CTNNA3: variants seen among roughly 807,000 people sequenced by gnomAD.
The protein encoded by CTNNA3 is catenin alpha 3.
Under a neutral mutation model 95.7 loss-of-function variants are expected in CTNNA3, and 76 were observed. The ratio of observed to expected loss-of-function variants is 0.79; its 90% confidence interval spans 0.66 to 0.96. The LOEUF is 0.96. Ranked by LOEUF, CTNNA3 falls within the 40% of genes least tolerant of loss-of-function variation. The pLI, the probability that CTNNA3 is intolerant of heterozygous loss-of-function variation, is 0.00. For synonymous variants in CTNNA3, 431 were observed against 374.4 expected, an observed-to-expected ratio of 1.15 and a Z score of -1.74; for missense variants, 1,191 against 1,089.8, an observed-to-expected ratio of 1.09 and a Z score of -1.31.
chr10:67,587,912 A>T (rs1017076491), intron 3 of CTNNA3, among the ~76,000 whole-genome samples: 1 of 151,652 alleles, frequency 6.6e-6, no homozygotes, highest in African/African-American at 2.4e-5. Flanking sequence ...CATATTTTTT[A>T]TATATTTTTG....
At chr10:66,712,926 T>A (rs751232772) in intron 9 of CTNNA3, among the ~76,000 whole-genome samples, 26 of 152,268 alleles carry the variant, frequency 1.7e-4, no homozygotes, top group Non-Finnish European at 2.9e-4. Flanking sequence ...TTATTTCCTA[T>A]GTCTTTACTT....
chr10:66,508,211 T>G (rs1474515008), intron 11 of CTNNA3, among the ~76,000 whole-genome samples: 4 of 91,158 alleles, frequency 4.4e-5, no homozygotes, highest in Admixed American at 2.0e-4. Flanking sequence ...TTGTTTTCTG[T>G]TTTTTTTTTT....
chr10:67,097,047 A>C lies in CTNNA3; in HGVS notation c.1047+83270T>G, dbSNP rs116855119. On this transcript the variant is annotated intron_variant, in intron 7 of 17. Coordinates refer to ENST00000433211, the MANE Select transcript of CTNNA3 (RefSeq NM_013266.4). ...GTGGTGTGTGGATTAATAGTCCAGCATCATATAGGAACTTGTAAGACATGT... is the reference window on the plus strand; with the variant it reads ...GTGGTGTGTGGATTAATAGTCCAGCCTCATATAGGAACTTGTAAGACATGT... Among the ~76,000 whole-genome samples, 203 of 152,010 alleles carry C rather than the reference A, an allele frequency of 1.3e-3. 3 individuals are homozygous for C. The East Asian group carries it at 0.037, about 28-fold the overall frequency.
intron 7 of CTNNA3, among the ~76,000 whole-genome samples, chr10:67,063,364 G>A (rs907529195): frequency 3.3e-5 from 5 of 152,300 alleles, no homozygotes; most frequent in African/African-American, 1.2e-4. Flanking sequence ...ACTAGATAAA[G>A]CTGAATGTGA....
chr10:66,609,364 A>C (rs1268488346), intron 10 of CTNNA3, among the ~76,000 whole-genome samples: 1 of 148,194 alleles, frequency 6.7e-6, no homozygotes, highest in Non-Finnish European at 1.5e-5. Flanking sequence ...CACCCAGCCA[A>C]AGGTCTATTA....
intron 7 of CTNNA3, among the ~76,000 whole-genome samples, chr10:66,865,199 G>GGTGTGT (rs566237511): frequency 6.5e-5 from 9 of 138,256 alleles, no homozygotes; most frequent in African/African-American, 2.4e-4. Flanking sequence ...ACAGGCATGG[G>GGTGTGT]GTGTGTGTGT....
At chr10:67,302,017 A>T (rs1418814311) in intron 5 of CTNNA3, among the ~76,000 whole-genome samples, 1 of 18,588 alleles carries the variant, frequency 5.4e-5, no homozygotes, top group Admixed American at 7.2e-4. Context: ...GAAAGAAAGA[A>T]AGAAAGAAAG....
chr10:66,159,323 G>A (rs7079826), intron 13 of CTNNA3, among the ~76,000 whole-genome samples: 21,132 of 151,870 alleles, frequency 0.14, 2,365 homozygotes, highest in African/African-American at 0.31. Flanking sequence ...TTACATTAAG[G>A]TATGACCCTT....
chr10:66,934,301 A>G (rs1382295576), intron 7 of CTNNA3, among the ~76,000 whole-genome samples: 8 of 152,100 alleles, frequency 5.3e-5, no homozygotes, highest in African/African-American at 1.2e-4. Flanking sequence ...ACTTCTCCCA[A>G]TCAGGATTCT....
chr10:66,203,517 A>T (rs12259429), intron 13 of CTNNA3, among the ~76,000 whole-genome samples: 6 of 151,942 alleles, frequency 3.9e-5, no homozygotes, highest in Admixed American at 1.3e-4. Context: ...AATATTATAG[A>T]GTAATCTTAG....
intron 3 of CTNNA3, among the ~76,000 whole-genome samples, chr10:67,568,116 T>C (rs978711976): frequency 3.9e-5 from 6 of 152,050 alleles, no homozygotes; most frequent in African/African-American, 7.2e-5. Flanking sequence ...GGTTAAAAAA[T>C]GTTCACATAC....
intron 13 of CTNNA3, among the ~76,000 whole-genome samples, chr10:66,250,763 T>C (rs2090517909): frequency 6.6e-6 from 1 of 152,210 alleles, no homozygotes; most frequent in Non-Finnish European, 1.5e-5. Context: ...CAAATGCTTC[T>C]GGAATTAATT....
intron 15 of CTNNA3, among the ~76,000 whole-genome samples, chr10:66,068,741 T>C (rs1040822401): frequency 3.9e-5 from 6 of 152,226 alleles, no homozygotes; most frequent in East Asian, 1.9e-4. Flanking sequence ...AGCCACTATA[T>C]ATTTTATTGC....
intron 5 of CTNNA3, among the ~76,000 whole-genome samples, chr10:67,495,217 T>C (rs1167964917): frequency 1.3e-5 from 2 of 152,128 alleles, no homozygotes; most frequent in Non-Finnish European, 2.9e-5. Flanking sequence ...CAATGTTTCC[T>C]GACTGAGGCC....
chr10:66,416,846 A>G (rs7098029), intron 11 of CTNNA3, among the ~76,000 whole-genome samples: 58,008 of 151,752 alleles, frequency 0.38, 11,647 homozygotes, highest in African/African-American at 0.5. Flanking sequence ...ACATTTATCT[A>G]CATGAAAACA....
intron 12 of CTNNA3, among the ~76,000 whole-genome samples, chr10:66,296,748 T>C (rs1033427163): frequency 6.6e-6 from 1 of 152,094 alleles, no homozygotes; most frequent in African/African-American, 2.4e-5. Flanking sequence ...TCACTAAATG[T>C]TGTGACATTT....
intron 7 of CTNNA3, among the ~76,000 whole-genome samples, chr10:66,779,817 T>G (rs867736927): frequency 6.6e-6 from 1 of 152,208 alleles, no homozygotes. Context: ...TAGGTCAACA[T>G]AGTCAACAAA....
intron 7 of CTNNA3, chr10:66,926,904 GTTGTTT>G: frequency 6.5e-7 from 1 of 1,543,044 alleles, no homozygotes; most frequent in Non-Finnish European, 8.7e-7. Context: ...ACTTTTCTAA[GTTGTTT>G]TTATTTCCAG....
At chr10:67,517,676 A>C (rs1025244548) in intron 5 of CTNNA3, among the ~76,000 whole-genome samples, 3 of 152,182 alleles carry the variant, frequency 2.0e-5, no homozygotes, top group African/African-American at 7.2e-5. Flanking sequence ...AGAGATTGTC[A>C]TAGTACAAGT....
Sources: allele counts gnomAD v4.1 joint callset (sites outside exome capture counted in the v4.1 genomes callset), GRCh38; gene constraint gnomAD v4.1.1; transcripts MANE v1.5; gene names NCBI Gene and HGNC (gene_info 2026-07-23, HGNC 2026-07-21).